Variants in TMEM132C observed in about 807,000 individuals in gnomAD.
TMEM132C encodes transmembrane protein 132C, also known as protein phosphatase 1, regulatory subunit 152.
TMEM132C carries 29 observed loss-of-function variants against 61.4 expected under a neutral mutation model. That is an observed-to-expected ratio of 0.47 (90% CI 0.35 to 0.64). TMEM132C has a LOEUF of 0.64. Ranked by LOEUF, TMEM132C falls within the 30% of genes least tolerant of loss-of-function variation. The pLI is 0.00. For missense variants in TMEM132C, 1,408 were observed against 1,476.9 expected (o/e 0.95, Z 0.76); for synonymous variants, 656 against 633.1 (o/e 1.04, Z -0.54).
intron 1 of TMEM132C, among the ~76,000 whole-genome samples, chr12:128,275,520 T>G (rs1870660221): frequency 6.6e-6 from 1 of 152,178 alleles, no homozygotes; most frequent in Admixed American, 6.5e-5. Context: ...TGGTGAGTTA[T>G]ATAATATTTT....
At chr12:128,456,173 A>G (rs1438781604) in intron 2 of TMEM132C, among the ~76,000 whole-genome samples, 1 of 151,918 alleles carries the variant, frequency 6.6e-6, no homozygotes, top group Non-Finnish European at 1.5e-5. Context: ...TCTTTCAGGA[A>G]CCAACTCTCT....
chr12:128,490,420 T>A (rs1871676995), intron 2 of TMEM132C, among the ~76,000 whole-genome samples: 1 of 152,096 alleles, frequency 6.6e-6, no homozygotes. Context: ...AATTCCCCCC[T>A]TCCACACCCT....
chr12:128,439,090 C>T (rs1869694280), intron 2 of TMEM132C: 1 of 152,580 alleles, frequency 6.6e-6, no homozygotes, highest in South Asian at 2.1e-4. Flanking sequence ...TCAACAACAA[C>T]TTCTGTGGCC....
intron 5 of TMEM132C, among the ~76,000 whole-genome samples, chr12:128,690,399 C>A (rs577935086): frequency 1.7e-4 from 26 of 152,174 alleles, no homozygotes; most frequent in Non-Finnish European, 2.4e-4. Flanking sequence ...ATGATTAATG[C>A]ATCCTGAGAT....
intron 2 of TMEM132C, among the ~76,000 whole-genome samples, chr12:128,434,845 C>T (rs980129907): frequency 1.3e-5 from 2 of 151,692 alleles, no homozygotes; most frequent in Admixed American, 6.6e-5. Context: ...TGGTCTCAAA[C>T]TCCTGAGCTC....
chr12:128,415,153 C>T lies in TMEM132C; in HGVS notation c.507C>T (p.Cys169=), dbSNP rs1410255389. The T allele has an allele frequency of 6.2e-7, 1 of 1,610,908 alleles. No homozygotes were observed. The highest frequency in any genetic ancestry group is 8.5e-7 in the Non-Finnish European group (1 of 1,178,544). The part of the protein sequence containing the change: ...DDHGAGEKLP[C]LRVFAFRETR... ...ACGGCGCCGGGGAGAAGCTGCCATG[C>T]CTGAGGGTCTTTGCTTTCCGAGAAA... Residue 169 remains cysteine, a synonymous_variant, in exon 2 of 9, where the codon TGC becomes TGT. Transcript: ENST00000435159. The surrounding 1 kb of genome is among the most constrained non-coding windows in gnomAD (Gnocchi z 5.8).
rs141236168 is a variant in TMEM132C, at chr12:128,593,166, C to G, written c.1122-22986C>G. Reference sequence around the variant, plus strand: ...TTCCCTCTCTCCTCTCTCCTTCCCTCTCTTTCTCTCTCTTCCCCTCTCTCA... The same window carrying G: ...TTCCCTCTCTCCTCTCTCCTTCCCTGTCTTTCTCTCTCTTCCCCTCTCTCA... On this transcript the variant is annotated intron_variant, in intron 3 of 8. Coordinates refer to ENST00000435159, the MANE Select transcript of TMEM132C (RefSeq NM_001136103.3). Among the ~76,000 whole-genome samples, 227 of 150,928 alleles carry G rather than the reference C, an allele frequency of 1.5e-3. 1 individual carries two copies. The highest frequency in any genetic ancestry group is 0.012 in the East Asian group (60 of 5,142).
intron 2 of TMEM132C, among the ~76,000 whole-genome samples, chr12:128,423,627 C>G (rs1466638307): frequency 6.6e-6 from 1 of 151,978 alleles, no homozygotes; most frequent in Non-Finnish European, 1.5e-5. Context: ...CCCAGCTACT[C>G]TGGAGGCTAA....
chr12:128,457,602 C>A (rs1484592846), intron 2 of TMEM132C, among the ~76,000 whole-genome samples: 1 of 151,472 alleles, frequency 6.6e-6, no homozygotes, highest in African/African-American at 2.4e-5. Flanking sequence ...ATTAGGCAGT[C>A]TAGTGATGCC....
At chr12:128,340,137 C>T (rs1208686690) in intron 1 of TMEM132C, among the ~76,000 whole-genome samples, 1 of 152,176 alleles carries the variant, frequency 6.6e-6, no homozygotes, top group Non-Finnish European at 1.5e-5. Context: ...GGCAAGGACA[C>T]GCTCTGTGGA....
chr12:128,304,966 A>C (rs945740698), intron 1 of TMEM132C, among the ~76,000 whole-genome samples: 3 of 152,192 alleles, frequency 2.0e-5, no homozygotes, highest in African/African-American at 4.8e-5. Context: ...TGGAGTTGCC[A>C]TTGGCTGTGG....
chr12:128,546,830 C>A (rs1309743137), intron 3 of TMEM132C, among the ~76,000 whole-genome samples: 1 of 152,234 alleles, frequency 6.6e-6, no homozygotes, highest in Admixed American at 6.5e-5. Flanking sequence ...TTAATCACAT[C>A]TGCAAAGTCC....
At chr12:128,290,386 T>G (rs1171816580) in intron 1 of TMEM132C, among the ~76,000 whole-genome samples, 1 of 151,574 alleles carries the variant, frequency 6.6e-6, no homozygotes, top group Non-Finnish European at 1.5e-5. Flanking sequence ...AACTATCAGA[T>G]CTCATGAGAA....
intron 1 of TMEM132C, among the ~76,000 whole-genome samples, chr12:128,328,547 G>A (rs1220505554): frequency 6.6e-6 from 1 of 152,136 alleles, no homozygotes; most frequent in Non-Finnish European, 1.5e-5. Context: ...CCAGCACTTT[G>A]GGAGGCTGAG....
At chr12:128,652,772 T>A (rs1954285159) in intron 4 of TMEM132C, among the ~76,000 whole-genome samples, 1 of 152,196 alleles carries the variant, frequency 6.6e-6, no homozygotes, top group African/African-American at 2.4e-5. Context: ...TGGAGAAAAG[T>A]GCTCAGGCCA....
chr12:128,506,533 G>A (rs1372141996), intron 2 of TMEM132C, among the ~76,000 whole-genome samples: 1 of 152,208 alleles, frequency 6.6e-6, no homozygotes, highest in Non-Finnish European at 1.5e-5. Flanking sequence ...TGAGGAGGAT[G>A]CAGAAGTGTA....
chr12:128,372,989 G>C (rs954780), intron 1 of TMEM132C, among the ~76,000 whole-genome samples: 1,752 of 152,310 alleles, frequency 0.012, 36 homozygotes, highest in African/African-American at 0.041. Context: ...AGTTCAAAGA[G>C]CATGTGCTTT....
chr12:128,375,012 T>A (rs779620426), intron 1 of TMEM132C, among the ~76,000 whole-genome samples: 1 of 133,566 alleles, frequency 7.5e-6, no homozygotes, highest in Non-Finnish European at 1.6e-5. Flanking sequence ...CCATTCGCTC[T>A]TGGCCAGATT....
intron 1 of TMEM132C, among the ~76,000 whole-genome samples, chr12:128,401,835 G>A (rs1875169250): frequency 6.6e-6 from 1 of 152,128 alleles, no homozygotes; most frequent in South Asian, 2.1e-4. Flanking sequence ...AGCAGAACTG[G>A]CTGTGATCTC....
Sources: allele counts gnomAD v4.1 joint callset (sites outside exome capture counted in the v4.1 genomes callset), GRCh38; gene constraint gnomAD v4.1.1; non-coding constraint Gnocchi (gnomAD v3.1); transcripts MANE v1.5; gene names NCBI Gene and HGNC (gene_info 2026-07-23, HGNC 2026-07-21).